The following CDK6 variants were observed in gnomAD, a reference collection of about 807,000 sequenced individuals.
CDK6 encodes the protein cyclin-dependent kinase 6.
CDK6 carries 6 observed loss-of-function variants against 37.1 expected under a neutral mutation model. The ratio of observed to expected loss-of-function variants is 0.16; its 90% CI spans 0.09 to 0.32. The LOEUF (loss-of-function observed/expected upper bound fraction) is 0.32. Ranked by LOEUF, CDK6 falls within the 10% of genes least tolerant of loss-of-function variation. The pLI is 1.00. For missense variants in CDK6, 224 were observed against 418.9 expected, an observed-to-expected ratio of 0.53 and a Z score of 4.06; for synonymous variants, 160 against 161.3, an observed-to-expected ratio of 0.99 and a Z score of 0.06.
At chr7:92,776,369 T>G (rs1799852376) in intron 2 of CDK6, among the ~76,000 whole-genome samples, 1 of 152,204 alleles carries the variant, frequency 6.6e-6, no homozygotes, top group Admixed American at 6.5e-5. Context: ...GCAATAAACA[T>G]ATGTGTGCAT....
intron 5 of CDK6, among the ~76,000 whole-genome samples, chr7:92,665,511 C>T (rs1796936585): frequency 2.0e-5 from 3 of 152,178 alleles, no homozygotes; most frequent in African/African-American, 7.2e-5. Flanking sequence ...ACCCAGATAA[C>T]AGTGACAGAT....
intron 4 of CDK6, among the ~76,000 whole-genome samples, chr7:92,705,291 AG>A (rs1394444469): frequency 6.6e-6 from 1 of 152,232 alleles, no homozygotes; most frequent in Non-Finnish European, 1.5e-5. Context: ...TACACAAAAT[AG>A]TAACAAAATA....
intron 2 of CDK6, among the ~76,000 whole-genome samples, chr7:92,821,368 C>G (rs892008808): frequency 6.6e-6 from 1 of 152,062 alleles, no homozygotes; most frequent in African/African-American, 2.4e-5. Context: ...CAGAGATATG[C>G]CATTCTCACT....
chr7:92,781,322 C>A (rs1234580621), intron 2 of CDK6, among the ~76,000 whole-genome samples: 4 of 152,258 alleles, frequency 2.6e-5, no homozygotes, highest in Admixed American at 6.5e-5. Flanking sequence ...GCACAGCACT[C>A]AGTTTTCCAG....
At chr7:92,623,389 G>A (rs539967865) in intron 5 of CDK6, among the ~76,000 whole-genome samples, 5 of 152,168 alleles carry the variant, frequency 3.3e-5, no homozygotes, top group Admixed American at 1.3e-4. Context: ...TCAAAGATCT[G>A]CTTAACTTCG....
chr7:92,730,591 T>A (rs945976813), intron 3 of CDK6, among the ~76,000 whole-genome samples: 1 of 152,214 alleles, frequency 6.6e-6, no homozygotes, highest in Non-Finnish European at 1.5e-5. Flanking sequence ...TTTCTATGAA[T>A]CTGACAACTC....
At chr7:92,739,962 T>C (rs1798879402) in intron 3 of CDK6, among the ~76,000 whole-genome samples, 1 of 152,178 alleles carries the variant, frequency 6.6e-6, no homozygotes. Flanking sequence ...TCTTGCTATG[T>C]TGCCCAGGCT....
chr7:92,717,406 G>A (rs1798253477), intron 4 of CDK6, among the ~76,000 whole-genome samples: 1 of 134,038 alleles, frequency 7.5e-6, no homozygotes, highest in Non-Finnish European at 1.6e-5. Flanking sequence ...AAAAAGGAAG[G>A]AAGGAAGGAA....
chr7:92,659,329 A>C (rs1796782950), intron 5 of CDK6, among the ~76,000 whole-genome samples: 1 of 152,222 alleles, frequency 6.6e-6, no homozygotes, highest in African/African-American at 2.4e-5. Context: ...TAGTAAAAAG[A>C]AAGAATGTAA....
chr7:92,836,378 A>G (rs1353712538), intron 1 of CDK6, 100 bp downstream of exon 1: 3 of 77,688 alleles, frequency 3.9e-5, no homozygotes, highest in African/African-American at 1.5e-4. Flanking sequence ...CCCTCCACTT[A>G]CCCCACCCAC....
chr7:92,621,065 A>C (rs1562912960), intron 6 of CDK6, among the ~76,000 whole-genome samples: 1 of 152,224 alleles, frequency 6.6e-6, no homozygotes, highest in Non-Finnish European at 1.5e-5. Context: ...TGGACTGCTG[A>C]ATATAAGCCT....
Position 92,822,329 on chromosome 7 carries a change from A to G in CDK6, c.233+10762T>C, listed in dbSNP as rs560820787. On this transcript the variant is annotated intron_variant, in intron 2 of 7. Transcript: ENST00000424848. Reference sequence around the variant, plus strand: ...TCTACTTGCCAATCATTACATTATTAAATAACTCCTAATTCCCAGGTCAGA... The same window carrying G: ...TCTACTTGCCAATCATTACATTATTGAATAACTCCTAATTCCCAGGTCAGA... Among the ~76,000 whole-genome samples the G allele has an allele frequency of 2.0e-5, 3 of 152,274 alleles. No homozygotes were observed. The South Asian group carries it at 6.2e-4, about 32-fold the overall frequency.
At chr7:92,780,925 T>C (rs2115814819) in intron 2 of CDK6, among the ~76,000 whole-genome samples, 1 of 152,204 alleles carries the variant, frequency 6.6e-6, no homozygotes, top group Admixed American at 6.5e-5. Flanking sequence ...TGCTAATCTG[T>C]AACCTGACAA....
At chr7:92,796,684 C>A (rs1315928310) in intron 2 of CDK6, among the ~76,000 whole-genome samples, 1 of 151,846 alleles carries the variant, frequency 6.6e-6, no homozygotes, top group East Asian at 1.9e-4. Flanking sequence ...TCAAAAAAAA[C>A]CCTCAAAGTC....
At chr7:92,631,291 G>T (rs1260174781) in intron 5 of CDK6, among the ~76,000 whole-genome samples, 2 of 152,130 alleles carry the variant, frequency 1.3e-5, no homozygotes, top group African/African-American at 4.8e-5. Context: ...GGCAAACTGG[G>T]ATGGTTGGTC....
intron 4 of CDK6, among the ~76,000 whole-genome samples, chr7:92,673,873 G>A (rs1421132329): frequency 6.6e-6 from 1 of 151,932 alleles, no homozygotes; most frequent in African/African-American, 2.4e-5. Flanking sequence ...CGCCTCCCGG[G>A]TTCAAGCAAT....
At chr7:92,700,111 G>A (rs2116658482) in intron 4 of CDK6, among the ~76,000 whole-genome samples, 1 of 152,270 alleles carries the variant, frequency 6.6e-6, no homozygotes, top group Middle Eastern at 3.4e-3. Context: ...GCGAGGAGGG[G>A]CAAGGGCATG....
chr7:92,671,591 C>G, intron 4 of CDK6, 56 bp from the exon 5 acceptor site: 1 of 927,782 alleles, frequency 1.1e-6, no homozygotes, highest in Non-Finnish European at 1.6e-6. Context: ...GGCTTAGACT[C>G]CTGACTAAAC....
Position 92,833,281 on chromosome 7 carries a change from A to G in CDK6, c.43T>C (p.Cys15Arg), listed in dbSNP as rs758530954. Reference protein sequence around the residue: ...GLCRADQQYECVAEIGEGAYG... With the variant: ...GLCRADQQYERVAEIGEGAYG... ...GCGCCCTCCCCGATCTCCGCCACGC[A>G]TTCGTACTGCTGGTCAGCGCGGCAC... Residue 15 changes from cysteine to arginine, a missense_variant, in exon 2 of 8, where the codon TGC becomes CGC. By Grantham distance (180) the Cys-to-Arg change is radical. Coordinates refer to ENST00000424848, the MANE Select transcript of CDK6 (RefSeq NM_001145306.2). This position sits in a 1 kb window ranked among gnomAD's most constrained non-coding sequence, Gnocchi z 6.1. 6.2e-7 allele frequency: 1 copy of G among 1,608,900 alleles called. No individual in the cohort carries two copies. The highest frequency in any genetic ancestry group is 1.7e-5 in the Admixed American group (1 of 59,808).
Sources: allele counts gnomAD v4.1 joint callset (sites outside exome capture counted in the v4.1 genomes callset), GRCh38; gene constraint gnomAD v4.1.1; non-coding constraint Gnocchi (gnomAD v3.1); transcripts MANE v1.5; gene names NCBI Gene and HGNC (gene_info 2026-07-23, HGNC 2026-07-21).